NOX4: variants seen among roughly 807,000 people sequenced by gnomAD.
NOX4 encodes kidney oxidase-1.
NOX4 carries 69 observed loss-of-function variants against 87.6 expected under a neutral mutation model. The observed-to-expected ratio is 0.79, with a 90% confidence interval of 0.65 to 0.96. NOX4 has a LOEUF of 0.96. Among genes scored for constraint, NOX4 ranks in the 40% least tolerant of loss-of-function variants. The pLI, the probability that NOX4 is intolerant of heterozygous loss-of-function variation, is 0.00. For missense variants in NOX4, 680 were observed against 681.5 expected (o/e 1.00, Z 0.02); for synonymous variants, 275 against 238.2 (o/e 1.15, Z -1.42).
chr11:89,461,584 G>T (rs559419289), intron 2 of NOX4, among the ~76,000 whole-genome samples: 2 of 151,706 alleles, frequency 1.3e-5, no homozygotes, highest in South Asian at 4.1e-4. Flanking sequence ...GGCAGAGCTT[G>T]CAGTGAGCCG....
intron 13 of NOX4, among the ~76,000 whole-genome samples, chr11:89,346,473 A>G (rs928276018): frequency 2.2e-5 from 3 of 137,238 alleles, no homozygotes; most frequent in Admixed American, 7.0e-5. Flanking sequence ...GCCTAAAAAT[A>G]AAAAAAAAAA....
the NOX4 span, among the ~76,000 whole-genome samples, chr11:89,523,981 G>C: frequency 2.6e-5 from 4 of 152,110 alleles, no homozygotes; most frequent in Admixed American, 2.0e-4. Context: ...CAGCTCCCTG[G>C]GGCCAGAGGA....
chr11:89,364,438 A>C (rs1263650954), intron 12 of NOX4, among the ~76,000 whole-genome samples: 1 of 152,118 alleles, frequency 6.6e-6, no homozygotes, highest in Non-Finnish European at 1.5e-5. Flanking sequence ...ATTCCAGAAG[A>C]AAAAACCCTA....
chr11:89,334,327 C>A (rs1314233800), intron 17 of NOX4, among the ~76,000 whole-genome samples: 2 of 151,612 alleles, frequency 1.3e-5, no homozygotes, highest in Non-Finnish European at 3.0e-5. Flanking sequence ...AATTTCAACT[C>A]TGAATATTAC....
chr11:89,472,501 C>T (rs1215124231), intron 2 of NOX4, among the ~76,000 whole-genome samples: 1 of 152,064 alleles, frequency 6.6e-6, no homozygotes, highest in Admixed American at 6.6e-5. Context: ...TTTCCTTATG[C>T]TTAACTCAAA....
the NOX4 span, among the ~76,000 whole-genome samples, chr11:89,534,473 T>C: frequency 6.6e-6 from 1 of 152,224 alleles, no homozygotes; most frequent in Non-Finnish European, 1.5e-5. Flanking sequence ...ATACATTACC[T>C]GCTCACCACA....
At chr11:89,506,223 G>GAGAAAGAAAGAAAGAAAGAGAGAA in the NOX4 span, among the ~76,000 whole-genome samples, 1 of 144,250 alleles carries the variant, frequency 6.9e-6, no homozygotes, top group Admixed American at 7.0e-5. Context: ...GAAAGAAAGA[G>GAGAAAGAAAGAAAGAAAGAGAGAA]AGAAAGAAAG....
chr11:89,330,326 G>A (rs370163980), intron 17 of NOX4, among the ~76,000 whole-genome samples: 19 of 152,136 alleles, frequency 1.2e-4, no homozygotes, highest in Middle Eastern at 3.4e-3. Context: ...TCTGGCCTGA[G>A]CAACAGAGCA....
At chr11:89,532,463 C>T in the NOX4 span, among the ~76,000 whole-genome samples, 1 of 152,064 alleles carries the variant, frequency 6.6e-6, no homozygotes, top group African/African-American at 2.4e-5. Flanking sequence ...GCCAATTCTC[C>T]CATTTGGAAT....
At chr11:89,435,491 T>A in intron 6 of NOX4, among the ~76,000 whole-genome samples, 2 of 152,230 alleles carry the variant, frequency 1.3e-5, no homozygotes, top group South Asian at 4.1e-4. Flanking sequence ...TTTCTATTAC[T>A]AAAAATACTA....
chr11:89,373,150 G>A (rs1390483438), intron 12 of NOX4, among the ~76,000 whole-genome samples: 1 of 151,354 alleles, frequency 6.6e-6, no homozygotes, highest in African/African-American at 2.4e-5. Flanking sequence ...CACCTGACAA[G>A]TAGGTAGAAA....
At chr11:89,530,360 T>C in the NOX4 span, among the ~76,000 whole-genome samples, 2 of 147,118 alleles carry the variant, frequency 1.4e-5, no homozygotes, top group African/African-American at 5.0e-5. Flanking sequence ...TTTTTTTTTT[T>C]GAGATGGAGT....
intron 6 of NOX4, among the ~76,000 whole-genome samples, chr11:89,436,206 T>G (rs188053882): frequency 8.9e-4 from 135 of 152,316 alleles, no homozygotes; most frequent in Non-Finnish European, 1.5e-3. Context: ...ACAGACAAGT[T>G]AAGCAGGAAA....
intron 2 of NOX4, among the ~76,000 whole-genome samples, chr11:89,453,831 A>G (rs2135394676): frequency 6.6e-6 from 1 of 152,306 alleles, no homozygotes; most frequent in Non-Finnish European, 1.5e-5. Flanking sequence ...CCCCCACTTT[A>G]TCATGCTGCT....
chr11:89,464,118 T>G (rs1341725377), intron 2 of NOX4, among the ~76,000 whole-genome samples: 1 of 152,034 alleles, frequency 6.6e-6, no homozygotes, highest in African/African-American at 2.4e-5. Flanking sequence ...TAAAGAAAAT[T>G]TTTATATATC....
At chr11:89,486,647 T>C (rs1946631332) in intron 2 of NOX4, among the ~76,000 whole-genome samples, 1 of 121,430 alleles carries the variant, frequency 8.2e-6, no homozygotes, top group Admixed American at 7.9e-5. Context: ...TATATGTGTG[T>C]ATATATGTGT....
At chr11:89,583,487 T>C in the NOX4 span, among the ~76,000 whole-genome samples, 106 of 152,308 alleles carry the variant, frequency 7.0e-4, no homozygotes, top group African/African-American at 2.5e-3. Context: ...TGCAACATAT[T>C]TGAAAAATCT....
At chr11:89,398,013 A>G (rs1449177812) in intron 11 of NOX4, among the ~76,000 whole-genome samples, 2 of 152,126 alleles carry the variant, frequency 1.3e-5, no homozygotes, top group East Asian at 3.9e-4. Flanking sequence ...GACACAACAA[A>G]TAAAGAGAAT....
intron 11 of NOX4, among the ~76,000 whole-genome samples, chr11:89,391,340 C>A (rs1941106422): frequency 6.6e-6 from 1 of 151,926 alleles, no homozygotes; most frequent in Admixed American, 6.6e-5. Flanking sequence ...AGTAAGAGTT[C>A]CCAGACAAAG....
Sources: allele counts gnomAD v4.1 joint callset (sites outside exome capture counted in the v4.1 genomes callset), GRCh38; gene constraint gnomAD v4.1.1; transcripts MANE v1.5; gene names NCBI Gene and HGNC (gene_info 2026-07-23, HGNC 2026-07-21).